CDKAL1: variants seen among roughly 807,000 people sequenced by gnomAD.
CDKAL1 encodes the protein CDKAL1 threonylcarbamoyladenosine tRNA methylthiotransferase.
Under a neutral mutation model 68.2 loss-of-function variants are expected in CDKAL1, and 32 were observed. The observed-to-expected ratio is 0.47, with a 90% CI of 0.35 to 0.63. CDKAL1 has a LOEUF of 0.63. Ranked by LOEUF, CDKAL1 falls within the 30% of genes least tolerant of loss-of-function variation. The pLI is 0.00. For synonymous variants in CDKAL1, 234 were observed against 244.3 expected (o/e 0.96, Z 0.39); for missense variants, 606 against 696.7 (o/e 0.87, Z 1.47).
rs1464240152 is a variant in CDKAL1, at chr6:21,201,291, C to G, written c.1548+17C>G. The G allele has an allele frequency of 1.3e-6, 2 of 1,592,666 alleles. No individual in the cohort carries two copies. Among genetic ancestry groups the G allele is most frequent in the Non-Finnish European group, 1.7e-6 (2 of 1,163,162 alleles). On this transcript the variant is annotated intron_variant, in intron 15 of 15. Transcript: ENST00000274695. ...TTGACAAAGGTAAGTAAAAGATGCTCTCCTCTCTACCCTGCTAGTAAAACA... is the reference window on the plus strand; with the variant it reads ...TTGACAAAGGTAAGTAAAAGATGCTGTCCTCTCTACCCTGCTAGTAAAACA...
intron 10 of CDKAL1, among the ~76,000 whole-genome samples, chr6:20,986,921 C>A (rs1334477593): frequency 3.9e-5 from 6 of 152,152 alleles, no homozygotes; most frequent in Admixed American, 3.9e-4. Context: ...AGAAAGACCT[C>A]AAACTGAAAA....
intron 4 of CDKAL1, among the ~76,000 whole-genome samples, chr6:20,591,410 A>G (rs990762212): frequency 6.6e-6 from 1 of 152,054 alleles, no homozygotes; most frequent in African/African-American, 2.4e-5. Context: ...TTGGTGTTTT[A>G]GTCATGAAGT....
chr6:21,184,377 T>A (rs1390301335), intron 13 of CDKAL1, among the ~76,000 whole-genome samples: 1 of 152,036 alleles, frequency 6.6e-6, no homozygotes, highest in Non-Finnish European at 1.5e-5. Context: ...GTATTTTTAG[T>A]AGACATGGGG....
Position 21,147,000 on chromosome 6 carries a change from T to TG in CDKAL1, c.1299+38538dup, listed in dbSNP as rs902275952. On this transcript the variant is annotated intron_variant, in intron 13 of 15. Coordinates refer to ENST00000274695, the MANE Select transcript of CDKAL1 (RefSeq NM_017774.3). ...GTCTACATTTTTGGAAGCCTGCACG[T>TG]GTCCATGGTCCATCAGCAATAATGT... Among the ~76,000 whole-genome samples, 40 of 152,314 alleles carry TG rather than the reference T, an allele frequency of 2.6e-4. No homozygotes were observed. In the East Asian group the frequency reaches 3.9e-3, roughly 15 times the overall value.
intron 8 of CDKAL1, among the ~76,000 whole-genome samples, chr6:20,796,523 T>C (rs1776115519): frequency 6.6e-6 from 1 of 152,176 alleles, no homozygotes; most frequent in Non-Finnish European, 1.5e-5. Flanking sequence ...GAAGTAGAGT[T>C]ATCTAAAACA....
intron 5 of CDKAL1, among the ~76,000 whole-genome samples, chr6:20,653,913 T>C (rs995584643): frequency 6.6e-6 from 1 of 151,912 alleles, no homozygotes; most frequent in East Asian, 1.9e-4. Flanking sequence ...GCCTAGTCAA[T>C]TTTTTATATT....
chr6:20,620,732 A>C (rs1323634190), intron 4 of CDKAL1, among the ~76,000 whole-genome samples: 1 of 151,784 alleles, frequency 6.6e-6, no homozygotes, highest in African/African-American at 2.4e-5. Context: ...GCTTCCTAAT[A>C]GGTGCATTTT....
chr6:20,544,622 T>C (rs1240562282), intron 2 of CDKAL1, among the ~76,000 whole-genome samples: 2 of 140,474 alleles, frequency 1.4e-5, no homozygotes, highest in African/African-American at 5.5e-5. Context: ...AAAAAAAAAA[T>C]TGGGTAGACC....
intron 7 of CDKAL1, among the ~76,000 whole-genome samples, chr6:20,759,580 A>C (rs956467075): frequency 1.4e-4 from 22 of 152,344 alleles, no homozygotes; most frequent in Admixed American, 1.3e-3. Context: ...TTTTATTTGT[A>C]CATTTTGTTA....
chr6:20,864,587 C>G (rs1759805422), intron 9 of CDKAL1, among the ~76,000 whole-genome samples: 1 of 152,012 alleles, frequency 6.6e-6, no homozygotes, highest in African/African-American at 2.4e-5. Flanking sequence ...ATATTTTTCT[C>G]TTCATAAAAT....
At chr6:20,735,486 G>A (rs1216756857) in intron 5 of CDKAL1, among the ~76,000 whole-genome samples, 2 of 152,008 alleles carry the variant, frequency 1.3e-5, no homozygotes, top group Non-Finnish European at 2.9e-5. Context: ...ACAGCATGAG[G>A]GAAACGACTC....
intron 12 of CDKAL1, among the ~76,000 whole-genome samples, chr6:21,088,806 A>G (rs964391407): frequency 2.0e-5 from 3 of 152,062 alleles, no homozygotes; most frequent in African/African-American, 4.8e-5. Context: ...GCCAGGTGTT[A>G]TGGCAGGCGC....
intron 5 of CDKAL1, among the ~76,000 whole-genome samples, chr6:20,705,503 G>A (rs140442740): frequency 6.6e-6 from 1 of 152,240 alleles, no homozygotes; most frequent in East Asian, 1.9e-4. Flanking sequence ...TCAGCAGTTA[G>A]TAATAATTAT....
chr6:20,864,610 A>C (rs1278474972), intron 9 of CDKAL1, among the ~76,000 whole-genome samples: 1 of 152,186 alleles, frequency 6.6e-6, no homozygotes, highest in Non-Finnish European at 1.5e-5. Flanking sequence ...AAAATTGCTA[A>C]AAAATAAAGT....
intron 13 of CDKAL1, among the ~76,000 whole-genome samples, chr6:21,129,445 A>G (rs1775177025): frequency 2.6e-5 from 4 of 152,118 alleles, no homozygotes; most frequent in African/African-American, 9.7e-5. Context: ...AAAGTCTCCA[A>G]CCTACTGTGA....
At chr6:20,869,592 A>G (rs186160519) in intron 9 of CDKAL1, among the ~76,000 whole-genome samples, 99 of 152,284 alleles carry the variant, frequency 6.5e-4, no homozygotes, top group Non-Finnish European at 1.1e-3. Context: ...ACAGTTAAGA[A>G]TGGGTAAAAT....
intron 4 of CDKAL1, among the ~76,000 whole-genome samples, chr6:20,551,919 G>C (rs1048583826): frequency 6.6e-6 from 1 of 151,658 alleles, no homozygotes; most frequent in East Asian, 1.9e-4. Flanking sequence ...TTTTGAGACA[G>C]GTCTCACTAT....
intron 8 of CDKAL1, among the ~76,000 whole-genome samples, chr6:20,844,705 GAAAA>G (rs869308386): frequency 1.1e-5 from 1 of 91,296 alleles, no homozygotes; most frequent in Non-Finnish European, 2.8e-5. Context: ...AAAAGAAACA[GAAAA>G]ACAAAAACAA....
intron 13 of CDKAL1, among the ~76,000 whole-genome samples, chr6:21,184,048 A>G: frequency 6.6e-6 from 1 of 152,174 alleles, no homozygotes; most frequent in East Asian, 1.9e-4. Flanking sequence ...CAGCAGTAAC[A>G]TTAAAACAGA....
Sources: allele counts gnomAD v4.1 joint callset (sites outside exome capture counted in the v4.1 genomes callset), GRCh38; gene constraint gnomAD v4.1.1; transcripts MANE v1.5; gene names NCBI Gene and HGNC (gene_info 2026-07-23, HGNC 2026-07-21).